KIF17: variants seen among roughly 807,000 people sequenced by gnomAD.
The protein encoded by KIF17 is kinesin family member 17.
Under a neutral mutation model 96.8 loss-of-function variants are expected in KIF17, and 80 were observed. The ratio of observed to expected loss-of-function variants is 0.83; its 90% CI spans 0.69 to 1.00. KIF17 has a LOEUF of 1.00. Ranked by LOEUF, KIF17 falls within the 50% of genes least tolerant of loss-of-function variation. KIF17 has a pLI of 0.00. For missense variants in KIF17, 1,280 were observed against 1,372.9 expected, an observed-to-expected ratio of 0.93 and a Z score of 1.07; for synonymous variants, 567 against 587.5, an observed-to-expected ratio of 0.97 and a Z score of 0.51.
In KIF17 at chr1:20,704,417, C is replaced by T. The variant is rs767624116; in HGVS notation, c.1123+30G>A. The T allele has an allele frequency of 1.9e-6, 3 of 1,582,314 alleles. No homozygotes were observed. The African/African-American group carries it at 4.0e-5, about 21-fold the overall frequency. On this transcript the variant is annotated intron_variant, in intron 5 of 14. Transcript: ENST00000400463. This position sits in a 1 kb window ranked among gnomAD's most constrained non-coding sequence, Gnocchi z 6.8. ...GGAAGCTTTCTCCTGGGGACCTGGCCCTCCCGCCACTACCCCAACGTGGTC... is the reference window on the plus strand; with the variant it reads ...GGAAGCTTTCTCCTGGGGACCTGGCTCTCCCGCCACTACCCCAACGTGGTC...
rs2053950868 is a variant in KIF17, at chr1:20,687,064, A to C, written c.1938+324T>G. ...AGGGCTCCGTCAGGCCTGGACACTC[A>C]CTGTAACCATGGCAACTGGGCAAAC... On this transcript the variant is annotated intron_variant, in intron 8 of 14. Coordinates refer to ENST00000400463, the MANE Select transcript of KIF17 (RefSeq NM_001122819.3). This position sits in a 1 kb window ranked among gnomAD's most constrained non-coding sequence, Gnocchi z 4.4. Among the ~76,000 whole-genome samples the C allele has an allele frequency of 6.6e-6, 1 of 152,118 alleles. No individual in the cohort carries two copies. Among genetic ancestry groups the C allele is most frequent in the Non-Finnish European group, 1.5e-5 (1 of 68,002 alleles).
intron 10 of KIF17, 82 bp downstream of exon 10, chr1:20,684,727 T>C: frequency 7.3e-7 from 1 of 1,377,206 alleles, no homozygotes; most frequent in South Asian, 1.2e-5. Context: ...GAGGAAGCTA[T>C]GGCACCCCCG....
chr1:20,679,065 A>C (rs1162067869), intron 11 of KIF17, among the ~76,000 whole-genome samples: 2 of 150,682 alleles, frequency 1.3e-5, no homozygotes, highest in Non-Finnish European at 2.9e-5. Flanking sequence ...TAATCCCGGC[A>C]CTTTGGGAGG....
rs991182633 is a variant in KIF17 at position 20,715,585 on chromosome 1, C to T, written c.286G>A (p.Gly96Arg). The T allele has an allele frequency of 1.6e-5, 26 of 1,613,300 alleles. No individual in the cohort carries two copies. Among genetic ancestry groups the T allele is most frequent in the African/African-American group, 2.7e-5 (2 of 75,068 alleles). Residue 96 changes from glycine to arginine, a missense_variant, in exon 2 of 15, where the codon GGG becomes AGG. Gly to Arg is a moderately radical substitution (Grantham distance 125). Coordinates refer to ENST00000400463, the MANE Select transcript of KIF17 (RefSeq NM_001122819.3). ...TIFAYGQTGSGKSFTMQGLPD... is the reference protein window; with the variant it reads ...TIFAYGQTGSRKSFTMQGLPD... The stretch of plus-strand genomic sequence containing the variant: ...AGGCCCTGCATGGTGAAGGACTTCC[C>T]GCTGCCTGTCTGGCCGTAGGCAAAG...
At chr1:20,686,299 A>G in intron 8 of KIF17, 173 bp from the exon 9 acceptor site, 1 of 667,622 alleles carries the variant, frequency 1.5e-6, no homozygotes, top group Admixed American at 2.1e-5. Context: ...GATGAGGGAG[A>G]GAACAGGGAA....
chr1:20,682,438 G>A (rs886384105), intron 11 of KIF17, among the ~76,000 whole-genome samples: 1 of 152,216 alleles, frequency 6.6e-6, no homozygotes, highest in African/African-American at 2.4e-5. Context: ...ACAGGAAGAT[G>A]GCTTGATTCT....
At chr1:20,665,315 C>T (rs1294594875) in intron 14 of KIF17, among the ~76,000 whole-genome samples, 1 of 147,820 alleles carries the variant, frequency 6.8e-6, no homozygotes. Context: ...GCAACCTCTG[C>T]CTCCCGAGTT....
Position 20,699,958 on chromosome 1 carries a change from G to T in KIF17, c.1124-1470C>A, listed in dbSNP as rs769839445. On this transcript the variant is annotated intron_variant, in intron 5 of 14. Transcript: ENST00000400463. The surrounding 1 kb of genome is among the most constrained non-coding windows in gnomAD (Gnocchi z 4.3). ...TGAACAGGCTCTCCCTGGCTGCTGC[G>T]TGGAGAGTGCACTGAGGGGAACCAG... Among the ~76,000 whole-genome samples, 1 of 152,210 alleles carries T rather than the reference G, an allele frequency of 6.6e-6. No homozygotes were observed. Among genetic ancestry groups the T allele is most frequent in the South Asian group, 2.1e-4 (1 of 4,832 alleles).
downstream of KIF17, chr1:20,661,690 CT>C (rs2154534495): frequency 2.3e-6 from 1 of 432,258 alleles, no homozygotes; most frequent in South Asian, 3.9e-5. Flanking sequence ...GCCCCCTAGT[CT>C]GGAGCCCACT....
intron 2 of KIF17, among the ~76,000 whole-genome samples, chr1:20,715,207 T>C (rs778306408): frequency 3.9e-5 from 6 of 152,218 alleles, no homozygotes; most frequent in Non-Finnish European, 8.8e-5. Context: ...AGAGGGAAGC[T>C]GTGATTGTTA....
Position 20,717,548 on chromosome 1 carries a change from G to A in KIF17, c.159C>T (p.Thr53=). Residue 53 remains threonine, a synonymous_variant, in exon 1 of 15, where the codon ACC becomes ACT. Transcript: ENST00000400463. The stretch of plus-strand genomic sequence containing the variant: ...GGTCCACGTGGTAGGCGCCGTCGAA[G>A]GTGAACTGCTTGGGCGGCTCGTCGG... The part of the protein sequence containing the change: ...GAADEPPKQF[T]FDGAYHVDHV... 3 of 1,612,070 alleles carry A rather than the reference G, an allele frequency of 1.9e-6. No individual in the cohort carries two copies. The highest frequency in any genetic ancestry group is 1.3e-5 in the African/African-American group (1 of 75,048).
rs1218346473 is a variant in KIF17, at chr1:20,682,894, TGGA to T, written c.2232-13_2232-11del. On this transcript the variant is annotated splice_polypyrimidine_tract_variant and intron_variant, in intron 10 of 14. Transcript: ENST00000400463. ...CTCCAACAGCTGCAGACTGCCGGCG[TGGA>T]GGAGAAAGCAAACAAGACAATATCT... The T allele has an allele frequency of 6.2e-7, 1 of 1,606,486 alleles. No individual in the cohort carries two copies. The highest frequency in any genetic ancestry group is 2.2e-5 in the East Asian group (1 of 44,836).
chr1:20,702,068 C>G (rs994136433), intron 5 of KIF17, among the ~76,000 whole-genome samples: 1 of 152,134 alleles, frequency 6.6e-6, no homozygotes, highest in Non-Finnish European at 1.5e-5. Context: ...GTCTCTGGAG[C>G]CCACCGTGCC....
rs1471949675 is a variant in KIF17 at position 20,700,070 on chromosome 1, T to C, written c.1124-1582A>G. 1.3e-5 allele frequency among the ~76,000 whole-genome samples: 2 copies of C among 151,906 alleles called. No individual in the cohort carries two copies. The highest frequency in any genetic ancestry group is 2.9e-5 in the Non-Finnish European group (2 of 67,960). On this transcript the variant is annotated intron_variant, in intron 5 of 14. Coordinates refer to ENST00000400463, the MANE Select transcript of KIF17 (RefSeq NM_001122819.3). The surrounding 1 kb of genome is among the most constrained non-coding windows in gnomAD (Gnocchi z 4.6). ...GAACTGGCTGTAGCCAGTTTTTGTTTTGTTTTGTTTTGTTTTTTGAGACGG... is the reference window on the plus strand; with the variant it reads ...GAACTGGCTGTAGCCAGTTTTTGTTCTGTTTTGTTTTGTTTTTTGAGACGG...
Position 20,713,354 on chromosome 1 carries a change from C to A in KIF17, c.480+100G>T, listed in dbSNP as rs530215031. ...AAGTCCCGACTCTAGCCTCCCAGTG[C>A]CGGCACCCTCAGGACACTTTCCCAT... is the stretch of plus-strand genomic sequence containing the variant. On this transcript the variant is annotated intron_variant, in intron 3 of 14. Transcript: ENST00000400463. 8 of 879,216 alleles carry A rather than the reference C, an allele frequency of 9.1e-6. No individual in the cohort carries two copies. The East Asian group carries it at 1.6e-4, about 17-fold the overall frequency. 54.5% of individuals were successfully genotyped at this position (879,216 alleles called of 1,614,324 possible).
At position 20,712,682 on chromosome 1, in the gene KIF17, C is replaced by A. The variant is rs1379864357; in HGVS notation, c.480+772G>T. Among the ~76,000 whole-genome samples the A allele has an allele frequency of 2.2e-3, 32 of 14,324 alleles. 2 individuals carry two copies. The highest frequency in any genetic ancestry group is 3.8e-3 in the African/African-American group (21 of 5,500). 9.4% of individuals were successfully genotyped at this position (14,324 alleles called of 152,430 possible). A position where few individuals can be genotyped will look rare whatever the true frequency, so the allele number is the denominator to read the frequency against. On this transcript the variant is annotated intron_variant, in intron 3 of 14. Coordinates refer to ENST00000400463, the MANE Select transcript of KIF17 (RefSeq NM_001122819.3). ...CTATATATAATATAGATAATATTAT[C>A]TATATATAATATAGATAATATTATC...
chr1:20,714,833 A>G (rs2054549360), intron 2 of KIF17, among the ~76,000 whole-genome samples: 1 of 148,260 alleles, frequency 6.7e-6, no homozygotes, highest in African/African-American at 2.5e-5. Context: ...GGCCACAGGG[A>G]AGGCCTGGGC....
At chr1:20,711,052 C>T (rs548546379) in intron 3 of KIF17, among the ~76,000 whole-genome samples, 54 of 152,228 alleles carry the variant, frequency 3.5e-4, no homozygotes, top group Middle Eastern at 6.8e-3. Flanking sequence ...CTGAGGGCAC[C>T]TTGTTCTGTG....
intron 13 of KIF17, among the ~76,000 whole-genome samples, chr1:20,668,393 T>A (rs2053572653): frequency 6.6e-6 from 1 of 152,236 alleles, no homozygotes; most frequent in African/African-American, 2.4e-5. Context: ...CTGGTCCACT[T>A]ACATGAACTA....
Sources: allele counts gnomAD v4.1 joint callset (sites outside exome capture counted in the v4.1 genomes callset), GRCh38; gene constraint gnomAD v4.1.1; non-coding constraint Gnocchi (gnomAD v3.1); transcripts MANE v1.5; gene names NCBI Gene and HGNC (gene_info 2026-07-23, HGNC 2026-07-21).